The following COL28A1 variants were observed in gnomAD, a reference collection of about 807,000 sequenced individuals.
COL28A1 encodes the protein collagen type XXVIII alpha 1 chain, also known as collagen alpha-1(XXVIII) chain.
Under a neutral mutation model 150.2 loss-of-function variants are expected in COL28A1, and 161 were observed. That is an observed-to-expected ratio of 1.07 (90% CI 0.94 to 1.22). The LOEUF (loss-of-function observed/expected upper bound fraction) is 1.22, where lower values mean the gene tolerates loss of function less well. Among genes scored for constraint, COL28A1 ranks in the 50% most tolerant of loss-of-function variants. COL28A1 has a pLI of 0.00. For synonymous variants in COL28A1, 552 were observed against 469.7 expected (o/e 1.18, Z -2.26); for missense variants, 1,617 against 1,388.3 (o/e 1.16, Z -2.62).
At chr7:7,542,051 A>C in the COL28A1 span, among the ~76,000 whole-genome samples, 1 of 152,246 alleles carries the variant, frequency 6.6e-6, no homozygotes. Flanking sequence ...GAAATGCATC[A>C]TAAAGAAAGA....
chr7:7,449,991 T>C (rs1270720671), intron 18 of COL28A1, among the ~76,000 whole-genome samples: 1 of 152,110 alleles, frequency 6.6e-6, no homozygotes, highest in East Asian at 1.9e-4. Context: ...AGAAAGAAGA[T>C]GAGAGTATTT....
intron 27 of COL28A1, among the ~76,000 whole-genome samples, chr7:7,414,343 T>A (rs1215515676): frequency 1.3e-5 from 2 of 152,114 alleles, no homozygotes; most frequent in Non-Finnish European, 2.9e-5. Context: ...AACCTGAAAG[T>A]CCAAGGCCAT....
At chr7:7,424,746 T>A (rs1480805529) in intron 25 of COL28A1, among the ~76,000 whole-genome samples, 1 of 152,166 alleles carries the variant, frequency 6.6e-6, no homozygotes, top group South Asian at 2.1e-4. Context: ...ACTGTTTAGA[T>A]GGCATACCAC....
At chr7:7,408,060 T>G (rs989990423) in intron 27 of COL28A1, among the ~76,000 whole-genome samples, 1 of 152,160 alleles carries the variant, frequency 6.6e-6, no homozygotes, top group Non-Finnish European at 1.5e-5. Context: ...TAATTCCATT[T>G]CTGTGTCTCT....
At chr7:7,509,285 A>G (rs1780994506) in intron 9 of COL28A1, among the ~76,000 whole-genome samples, 1 of 151,812 alleles carries the variant, frequency 6.6e-6, no homozygotes, top group Non-Finnish European at 1.5e-5. Flanking sequence ...CACATGTCCA[A>G]CTAATTTTTA....
At position 7,453,420 on chromosome 7, in the gene COL28A1, G is replaced by T. The variant is rs193132502; in HGVS notation, c.1440+20C>A. On this transcript the variant is annotated intron_variant, in intron 17 of 34. Transcript: ENST00000399429. ...TTATACTATAGATATATTAAACTCC[G>T]CTCTCATTTACAAAGTTACCTTGGA... 1 of 1,025,488 alleles carries T rather than the reference G, an allele frequency of 9.8e-7. No individual in the cohort carries two copies. The allele number at this position is 1,025,488 out of a possible 1,614,324, so 63.5% of individuals were successfully genotyped here. A position where few individuals can be genotyped will look rare whatever the true frequency, so the allele number is the denominator to read the frequency against.
intron 23 of COL28A1, among the ~76,000 whole-genome samples, chr7:7,434,928 G>A (rs978667754): frequency 2.6e-5 from 4 of 152,106 alleles, no homozygotes; most frequent in South Asian, 2.1e-4. Context: ...GGGCATCTGG[G>A]AGACCCCTGA....
intron 15 of COL28A1, among the ~76,000 whole-genome samples, chr7:7,464,947 A>C (rs1355572020): frequency 6.6e-6 from 1 of 152,242 alleles, no homozygotes; most frequent in East Asian, 1.9e-4. Flanking sequence ...ATTAGAAACG[A>C]AACAGGAGAT....
At chr7:7,375,022 A>G (rs774978330) in intron 31 of COL28A1, among the ~76,000 whole-genome samples, 6 of 152,236 alleles carry the variant, frequency 3.9e-5, no homozygotes, top group Non-Finnish European at 7.3e-5. Flanking sequence ...GGGACTGAGT[A>G]CAACTCAAAA....
intron 27 of COL28A1, among the ~76,000 whole-genome samples, chr7:7,383,682 G>GTGTGTGTA (rs1554262302): frequency 8.1e-5 from 10 of 124,098 alleles, no homozygotes; most frequent in African/African-American, 2.7e-4. Flanking sequence ...GTGTGTGTGT[G>GTGTGTGTA]TATATATATA....
intron 11 of COL28A1, among the ~76,000 whole-genome samples, chr7:7,500,175 C>A (rs934085001): frequency 2.6e-5 from 4 of 152,174 alleles, no homozygotes; most frequent in Non-Finnish European, 4.4e-5. Flanking sequence ...TCTCCTTGAC[C>A]CTTCTACTGA....
At chr7:7,527,958 T>C (rs1245688858) in intron 3 of COL28A1, among the ~76,000 whole-genome samples, 3 of 151,978 alleles carry the variant, frequency 2.0e-5, no homozygotes, top group Non-Finnish European at 4.4e-5. Flanking sequence ...ATGGCCACTA[T>C]AAAATCTAAA....
chr7:7,398,103 A>G (rs982637683), intron 27 of COL28A1, among the ~76,000 whole-genome samples: 62 of 152,348 alleles, frequency 4.1e-4, no homozygotes, highest in African/African-American at 1.4e-3. Context: ...TAAATAGCTG[A>G]ACACAGGGTA....
intron 15 of COL28A1, among the ~76,000 whole-genome samples, chr7:7,465,516 C>T (rs1377869545): frequency 1.4e-5 from 2 of 138,154 alleles, no homozygotes; most frequent in Middle Eastern, 3.7e-3. Context: ...AAGGCGGCAA[C>T]GAGGCTGGGG....
At chr7:7,529,030 G>C (rs147557484) in intron 3 of COL28A1, among the ~76,000 whole-genome samples, 1 of 152,020 alleles carries the variant, frequency 6.6e-6, no homozygotes, top group Non-Finnish European at 1.5e-5. Flanking sequence ...GGCCCGGCGC[G>C]ATGGCTCACA....
intron 2 of COL28A1, among the ~76,000 whole-genome samples, chr7:7,532,230 T>A (rs1033701390): frequency 6.6e-6 from 1 of 152,192 alleles, no homozygotes; most frequent in Non-Finnish European, 1.5e-5. Context: ...CAACTAACAC[T>A]GAGCATAGTT....
chr7:7,428,001 AT>A (rs1265438548), intron 25 of COL28A1, among the ~76,000 whole-genome samples: 1 of 152,210 alleles, frequency 6.6e-6, no homozygotes, highest in East Asian at 1.9e-4. Context: ...CAAATGTAGT[AT>A]CAAAAATGTT....
chr7:7,542,185 T>C, the COL28A1 span, among the ~76,000 whole-genome samples: 2 of 152,210 alleles, frequency 1.3e-5, no homozygotes, highest in South Asian at 4.1e-4. Context: ...CCGTCTCTAC[T>C]AAAAATACAA....
intron 27 of COL28A1, among the ~76,000 whole-genome samples, chr7:7,408,104 G>A (rs76963447): frequency 0.011 from 1,617 of 151,754 alleles, 42 homozygotes; most frequent in African/African-American, 0.038. Flanking sequence ...AATACTGTTT[G>A]TTCTTCTCAT....
Sources: gnomAD v4.1 joint callset for allele counts (sites outside exome capture counted in the v4.1 genomes callset) on GRCh38, gnomAD v4.1.1 for gene constraint, MANE v1.5 for transcripts, NCBI Gene and HGNC (gene_info 2026-07-23, HGNC 2026-07-21) for gene names.